The following FSTL4 variants were observed in gnomAD, a reference collection of about 807,000 sequenced individuals.
FSTL4 encodes follistatin-related protein 4.
Under a neutral mutation model 78.2 loss-of-function variants are expected in FSTL4, and 28 were observed. The ratio of observed to expected loss-of-function variants is 0.36; its 90% confidence interval spans 0.27 to 0.49. The LOEUF (loss-of-function observed/expected upper bound fraction) is 0.49. Among genes scored for constraint, FSTL4 ranks in the 20% least tolerant of loss-of-function variants. The pLI, the probability that FSTL4 is intolerant of heterozygous loss-of-function variation, is 0.98. For synonymous variants in FSTL4, 422 were observed against 440.5 expected, an observed-to-expected ratio of 0.96 and a Z score of 0.53; for missense variants, 922 against 1,084.9, an observed-to-expected ratio of 0.85 and a Z score of 2.11.
chr5:133,384,328 C>A (rs780354007), intron 4 of FSTL4, among the ~76,000 whole-genome samples: 1 of 152,200 alleles, frequency 6.6e-6, no homozygotes, highest in Non-Finnish European at 1.5e-5. Context: ...GCTTTCCAGA[C>A]GGGGTGGTGA....
chr5:133,638,785 C>T, the FSTL4 span, among the ~76,000 whole-genome samples: 1 of 151,730 alleles, frequency 6.6e-6, no homozygotes, highest in Admixed American at 6.6e-5. Flanking sequence ...GACGTTTTTT[C>T]GTATACATAC....
chr5:133,243,610 T>C (rs776313038), intron 7 of FSTL4, among the ~76,000 whole-genome samples: 26 of 152,256 alleles, frequency 1.7e-4, no homozygotes, highest in Non-Finnish European at 3.7e-4. Context: ...GGCCAGGGCA[T>C]GTAGGTGGCT....
chr5:133,689,160 C>T, the FSTL4 span, among the ~76,000 whole-genome samples: 3 of 152,180 alleles, frequency 2.0e-5, no homozygotes, highest in Non-Finnish European at 4.4e-5. Context: ...CACAGTGGCC[C>T]GGTTGGCCAG....
chr5:133,690,413 A>C, the FSTL4 span, among the ~76,000 whole-genome samples: 2 of 152,156 alleles, frequency 1.3e-5, no homozygotes, highest in African/African-American at 4.8e-5. Flanking sequence ...ACTTTCCTTA[A>C]ATGAAGAATC....
At chr5:133,777,860 G>C in the FSTL4 span, among the ~76,000 whole-genome samples, 1 of 152,206 alleles carries the variant, frequency 6.6e-6, no homozygotes, top group Non-Finnish European at 1.5e-5. Flanking sequence ...GCAATGAACA[G>C]TCACATAGAT....
the FSTL4 span, among the ~76,000 whole-genome samples, chr5:133,649,112 A>T: frequency 6.6e-6 from 1 of 152,154 alleles, no homozygotes. Flanking sequence ...TGGTTGGATC[A>T]TGTAGTACAT....
chr5:133,421,797 A>G (rs1394200547), intron 3 of FSTL4, among the ~76,000 whole-genome samples: 2 of 152,194 alleles, frequency 1.3e-5, no homozygotes, highest in East Asian at 1.9e-4. Flanking sequence ...TCAGATACCT[A>G]TTGAGTGTGT....
chr5:133,671,316 A>G, the FSTL4 span, among the ~76,000 whole-genome samples: 1 of 152,148 alleles, frequency 6.6e-6, no homozygotes, highest in African/African-American at 2.4e-5. Context: ...AGGCCGCTCA[A>G]GTTTGGTATG....
intron 13 of FSTL4, among the ~76,000 whole-genome samples, chr5:133,215,498 TC>T (rs962488773): frequency 6.6e-5 from 10 of 151,768 alleles, no homozygotes; most frequent in African/African-American, 2.4e-4. Flanking sequence ...CCCAATCTGC[TC>T]CCTGCCTTGC....
chr5:133,493,457 A>C (rs1758309684), intron 3 of FSTL4, among the ~76,000 whole-genome samples: 1 of 152,238 alleles, frequency 6.6e-6, no homozygotes, highest in Non-Finnish European at 1.5e-5. Flanking sequence ...AAGTCTAGGC[A>C]GACCACAAGC....
chr5:133,302,646 A>G (rs570074190), intron 6 of FSTL4, among the ~76,000 whole-genome samples: 67 of 152,294 alleles, frequency 4.4e-4, no homozygotes, highest in African/African-American at 1.5e-3. Flanking sequence ...AAACGGGAGC[A>G]TGGTGCCAAA....
chr5:133,211,430 C>T (rs751778305), intron 13 of FSTL4, among the ~76,000 whole-genome samples: 1 of 152,174 alleles, frequency 6.6e-6, no homozygotes, highest in Non-Finnish European at 1.5e-5. Flanking sequence ...TTAGTTCCTT[C>T]TTGGTTTCAA....
At chr5:133,326,145 A>G (rs1390645783) in intron 4 of FSTL4, among the ~76,000 whole-genome samples, 2 of 152,252 alleles carry the variant, frequency 1.3e-5, no homozygotes, top group Non-Finnish European at 2.9e-5. Context: ...CTTAAGAGGA[A>G]CAGATGTTTA....
At chr5:133,412,069 C>T (rs1756487914) in intron 3 of FSTL4, among the ~76,000 whole-genome samples, 1 of 152,200 alleles carries the variant, frequency 6.6e-6, no homozygotes, top group East Asian at 1.9e-4. Flanking sequence ...AAGATTGGAA[C>T]ATTGCTTATT....
chr5:133,321,984 C>T (rs1754068668), intron 4 of FSTL4, among the ~76,000 whole-genome samples: 1 of 152,198 alleles, frequency 6.6e-6, no homozygotes, highest in Non-Finnish European at 1.5e-5. Flanking sequence ...TTGCTGGTTT[C>T]CAGGTAAAGA....
intron 6 of FSTL4, among the ~76,000 whole-genome samples, chr5:133,287,346 C>T (rs1753155916): frequency 6.6e-6 from 1 of 150,794 alleles, no homozygotes; most frequent in Non-Finnish European, 1.5e-5. Flanking sequence ...TGAGATCGCA[C>T]CACTGCACTC....
At chr5:133,422,817 G>A (rs1484018671) in intron 3 of FSTL4, among the ~76,000 whole-genome samples, 2 of 152,216 alleles carry the variant, frequency 1.3e-5, no homozygotes, top group East Asian at 3.8e-4. Flanking sequence ...ATTAGGAAAG[G>A]TGTGTTTGAC....
At chr5:133,365,334 A>G (rs983097591) in intron 4 of FSTL4, among the ~76,000 whole-genome samples, 3 of 152,168 alleles carry the variant, frequency 2.0e-5, no homozygotes, top group Non-Finnish European at 4.4e-5. Context: ...CAAATGTTTT[A>G]TTTGGGGAAA....
At chr5:133,273,193 T>C (rs1162102258) in intron 6 of FSTL4, among the ~76,000 whole-genome samples, 1 of 152,262 alleles carries the variant, frequency 6.6e-6, no homozygotes, top group Non-Finnish European at 1.5e-5. Flanking sequence ...ACATTTCTTG[T>C]AGCCAAGTAA....
Sources: allele counts gnomAD v4.1 joint callset (sites outside exome capture counted in the v4.1 genomes callset), GRCh38; gene constraint gnomAD v4.1.1; transcripts MANE v1.5; gene names NCBI Gene and HGNC (gene_info 2026-07-23, HGNC 2026-07-21).